VPS13A: variants seen among roughly 807,000 people sequenced by gnomAD.
VPS13A encodes intermembrane lipid transfer protein VPS13A.
A neutral mutation model predicts 390.9 loss-of-function variants in VPS13A; 264 were observed. The observed-to-expected ratio is 0.68, with a 90% CI of 0.61 to 0.75. The LOEUF (loss-of-function observed/expected upper bound fraction) is 0.75, where lower values mean the gene tolerates loss of function less well. VPS13A is among the 30% of genes least tolerant of loss of function. The pLI is 0.00. For synonymous variants in VPS13A, 1,231 were observed against 1,227.1 expected, an observed-to-expected ratio of 1.00 and a Z score of -0.07; for missense variants, 3,409 against 3,733.9, an observed-to-expected ratio of 0.91 and a Z score of 2.27.
At chr9:77,260,009 A>G in intron 22 of VPS13A, 77 bp from the exon 23 acceptor site, 1 of 973,928 alleles carries the variant, frequency 1.0e-6, no homozygotes, top group South Asian at 1.6e-5. Flanking sequence ...AGATAATTTG[A>G]GAACAGTCTT....
Position 77,250,887 on chromosome 9 carries a change from G to A in VPS13A, c.2170+658G>A, listed in dbSNP as rs114113484. Among the ~76,000 whole-genome samples the A allele has an allele frequency of 1.8e-4, 28 of 152,262 alleles. 1 individual carries two copies. The South Asian group carries it at 4.8e-3, about 26-fold the overall frequency. ...CCCAGACTCGTTCAGCTTTCTTTTC[G>A]TTCTGTCATACTGCTTTTGAATCCC... On this transcript the variant is annotated intron_variant, in intron 21 of 71. Coordinates refer to ENST00000360280, the MANE Select transcript of VPS13A (RefSeq NM_033305.3).
intron 31 of VPS13A, among the ~76,000 whole-genome samples, chr9:77,289,442 ATTTAT>A (rs1325807791): frequency 2.0e-5 from 3 of 151,866 alleles, no homozygotes; most frequent in Non-Finnish European, 4.4e-5. Flanking sequence ...ATTAATTATC[ATTTAT>A]TTTATGGTTT....
chr9:77,334,079 C>T (rs1185401563), intron 46 of VPS13A, among the ~76,000 whole-genome samples: 1 of 152,044 alleles, frequency 6.6e-6, no homozygotes, highest in Non-Finnish European at 1.5e-5. Flanking sequence ...AGTACGGTAA[C>T]ATCTGTAATA....
chr9:77,363,183 G>A (rs929986045), intron 59 of VPS13A, among the ~76,000 whole-genome samples: 5 of 152,016 alleles, frequency 3.3e-5, no homozygotes, highest in African/African-American at 9.7e-5. Flanking sequence ...TTTTGCCTCT[G>A]ATCTTGGAGG....
At chr9:77,246,403 A>G (rs1824810496) in intron 19 of VPS13A, among the ~76,000 whole-genome samples, 1 of 152,104 alleles carries the variant, frequency 6.6e-6, no homozygotes, top group African/African-American at 2.4e-5. Context: ...TTGAACATGT[A>G]TTCTTTAATA....
intron 29 of VPS13A, 116 bp downstream of exon 29, chr9:77,282,390 T>G (rs1827090203): frequency 2.1e-6 from 2 of 953,248 alleles, no homozygotes; most frequent in Non-Finnish European, 1.6e-6. Flanking sequence ...TTCTGTTGCC[T>G]AGGTTAATAT....
intron 17 of VPS13A, among the ~76,000 whole-genome samples, chr9:77,231,064 T>C (rs1046921029): frequency 6.6e-6 from 1 of 152,194 alleles, no homozygotes; most frequent in Non-Finnish European, 1.5e-5. Context: ...ACAATTGAGT[T>C]TTGTATACTG....
chr9:77,410,551 C>T (rs1276691328), intron 71 of VPS13A, among the ~76,000 whole-genome samples: 2 of 152,158 alleles, frequency 1.3e-5, no homozygotes, highest in African/African-American at 2.4e-5. Flanking sequence ...GGAAACCCAC[C>T]TCACATGCAG....
chr9:77,389,449 G>A (rs897758647), intron 68 of VPS13A, among the ~76,000 whole-genome samples: 2 of 151,872 alleles, frequency 1.3e-5, no homozygotes, highest in African/African-American at 4.8e-5. Flanking sequence ...GGGACTACAG[G>A]CATGCACCAC....
At chr9:77,336,089 A>C (rs191296072) in intron 46 of VPS13A, among the ~76,000 whole-genome samples, 1 of 152,216 alleles carries the variant, frequency 6.6e-6, no homozygotes. Context: ...CATTCTCAGC[A>C]AACTAGCACA....
At chr9:77,377,712 T>G (rs1833184943) in intron 67 of VPS13A, among the ~76,000 whole-genome samples, 1 of 152,088 alleles carries the variant, frequency 6.6e-6, no homozygotes, top group Admixed American at 6.6e-5. Context: ...TCTGGATGCT[T>G]TTTTTCTTGC....
chr9:77,416,286 C>T lies in VPS13A; in HGVS notation c.*280C>T, dbSNP rs1835168310. 1 of 355,064 alleles carries T rather than the reference C, an allele frequency of 2.8e-6. No homozygotes were observed. Among genetic ancestry groups the T allele is most frequent in the African/African-American group, 2.1e-5 (1 of 47,418 alleles). The allele number at this position is 355,064 out of a possible 1,614,324, so 22.0% of individuals were successfully genotyped here. On this transcript the variant is annotated 3_prime_UTR_variant, in exon 72 of 72. Coordinates refer to ENST00000360280, the MANE Select transcript of VPS13A (RefSeq NM_033305.3). Reference sequence around the variant, plus strand: ...ATTCTAATTATTTTGTAAAAGAAGACAAAATTATGAATCTTAAGTATTTGC... The same window carrying T: ...ATTCTAATTATTTTGTAAAAGAAGATAAAATTATGAATCTTAAGTATTTGC...
chr9:77,359,636 G>A (rs369619918), intron 58 of VPS13A, among the ~76,000 whole-genome samples: 1 of 151,958 alleles, frequency 6.6e-6, no homozygotes, highest in Non-Finnish European at 1.5e-5. Context: ...TGGCCAACAC[G>A]GTGAAACCCC....
At position 77,353,520 on chromosome 9, in the gene VPS13A, A is replaced by G. The variant is rs1831592176; in HGVS notation, c.7531A>G (p.Thr2511Ala). Residue 2511 changes from threonine (T) to alanine (A), a missense_variant, in exon 54 of 72, where the codon ACA becomes GCA. Physicochemically the swap from Thr to Ala is moderately conservative, Grantham distance 58. Coordinates refer to ENST00000360280, the MANE Select transcript of VPS13A (RefSeq NM_033305.3). Reference sequence around the variant, plus strand: ...TGAAGATCCAAGGGTATTTAAAGTAACATATGAAAGTGAGAAAGCAGAGTT... The same window carrying G: ...TGAAGATCCAAGGGTATTTAAAGTAGCATATGAAAGTGAGAAAGCAGAGTT... The part of the protein sequence containing the change: ...FTEDPRVFKV[T>A]YESEKAELAE... 1 of 1,613,436 alleles carries G rather than the reference A, an allele frequency of 6.2e-7. No homozygotes were observed. The highest frequency in any genetic ancestry group is 1.1e-5 in the South Asian group (1 of 91,060).
At chr9:77,262,748 G>T (rs1825829166) in intron 23 of VPS13A, among the ~76,000 whole-genome samples, 1 of 152,124 alleles carries the variant, frequency 6.6e-6, no homozygotes, top group Non-Finnish European at 1.5e-5. Context: ...CCATGTCCTT[G>T]CAAAGGACAT....
intron 59 of VPS13A, among the ~76,000 whole-genome samples, chr9:77,361,475 T>C (rs2131565745): frequency 6.6e-6 from 1 of 152,286 alleles, no homozygotes; most frequent in African/African-American, 2.4e-5. Context: ...ATTTTGTTTA[T>C]CCATATATCT....
At chr9:77,256,743 G>A (rs948074839) in intron 22 of VPS13A, among the ~76,000 whole-genome samples, 4 of 152,022 alleles carry the variant, frequency 2.6e-5, no homozygotes, top group African/African-American at 4.8e-5. Context: ...ATTATGTAAT[G>A]TCCTTCTTTA....
rs1436771553 is a variant in VPS13A at position 77,418,665 on chromosome 9, C to T, written c.*2659C>T. The T allele has an allele frequency of 1.3e-5, 2 of 151,362 alleles. No individual in the cohort carries two copies. The highest frequency in any genetic ancestry group is 6.6e-5 in the Admixed American group (1 of 15,198). The allele number at this position is 151,362 out of a possible 1,614,324, so 9.4% of individuals were successfully genotyped here. A position where few individuals can be genotyped will look rare whatever the true frequency, so the allele number is the denominator to read the frequency against. ...ACCTGTAGACAGTTCTTACCTACCC[C>T]TCTCCTCCACAATCCTAGTCCATTT... On this transcript the variant is annotated 3_prime_UTR_variant, in exon 72 of 72. Transcript: ENST00000360280.
Position 77,238,270 on chromosome 9 carries a change from A to C in VPS13A, c.1786-2A>C. The C allele has an allele frequency of 6.2e-7, 1 of 1,613,244 alleles. No individual in the cohort carries two copies. The highest frequency in any genetic ancestry group is 8.5e-7 in the Non-Finnish European group (1 of 1,179,254). ...TTGTGTTAATGATGTTTATTTTAAC[A>C]GAGGACAGTGAATAGTATAGTGGAA... is the stretch of plus-strand genomic sequence containing the variant. On this transcript the variant is annotated splice_acceptor_variant, in intron 18 of 71. Coordinates refer to ENST00000360280, the MANE Select transcript of VPS13A (RefSeq NM_033305.3). LOFTEE classifies it high-confidence loss of function.
Sources: allele counts gnomAD v4.1 joint callset (sites outside exome capture counted in the v4.1 genomes callset), GRCh38; gene constraint gnomAD v4.1.1; transcripts MANE v1.5; gene names NCBI Gene and HGNC (gene_info 2026-07-23, HGNC 2026-07-21).